The following MMP26 variants were observed in gnomAD, a reference collection of about 807,000 sequenced individuals.
MMP26 encodes the protein matrix metallopeptidase 26.
MMP26 carries 33 observed loss-of-function variants against 31.0 expected under a neutral mutation model. That is an observed-to-expected ratio of 1.06 (90% CI 0.81 to 1.42). MMP26 has a LOEUF of 1.42. Among genes scored for constraint, MMP26 ranks in the 40% most tolerant of loss-of-function variants. The pLI is 0.00. For synonymous variants in MMP26, 122 were observed against 114.9 expected, an observed-to-expected ratio of 1.06 and a Z score of -0.40; for missense variants, 347 against 316.1, an observed-to-expected ratio of 1.10 and a Z score of -0.74.
In MMP26 at chr11:4,992,338, G is replaced by A. The variant is rs2133655579; in HGVS notation, c.*96G>A. 2 of 1,237,984 alleles carry A rather than the reference G, an allele frequency of 1.6e-6. No homozygotes were observed. Among genetic ancestry groups the A allele is most frequent in the Non-Finnish European group, 2.3e-6 (2 of 880,366 alleles). The allele number at this position is 1,237,984 out of a possible 1,614,324, so 76.7% of individuals were successfully genotyped here. On this transcript the variant is annotated 3_prime_UTR_variant, in exon 8 of 8. Transcript: ENST00000380390. ...CTAGAGCAGCCTTGGGGACTGCTAG[G>A]ATGAAGCCCTAAAGAATGCAACCTA...
At chr11:4,734,836 AT>A (rs1564897502) in intron 1 of MMP26, among the ~76,000 whole-genome samples, 2 of 152,224 alleles carry the variant, frequency 1.3e-5, no homozygotes, top group Non-Finnish European at 1.5e-5. Context: ...ATAGCATCGC[AT>A]AGCATATTTT....
intron 2 of MMP26, among the ~76,000 whole-genome samples, chr11:4,869,661 A>G (rs1850284882): frequency 6.6e-6 from 1 of 152,162 alleles, no homozygotes; most frequent in Non-Finnish European, 1.5e-5. Flanking sequence ...ACAGTGTGGC[A>G]ATTCCTCATG....
At chr11:4,849,007 G>A (rs1226590315) in intron 2 of MMP26, 2 of 1,614,022 alleles carry the variant, frequency 1.2e-6, no homozygotes, top group Non-Finnish European at 1.7e-6. Context: ...AGGAAGAAGT[G>A]CATTGGGCGG....
At chr11:4,984,943 G>C (rs550756439) in intron 2 of MMP26, among the ~76,000 whole-genome samples, 33 of 152,132 alleles carry the variant, frequency 2.2e-4, no homozygotes, top group Non-Finnish European at 4.4e-4. Context: ...GAGAAAGTGT[G>C]AGAGACTTAG....
At chr11:4,712,330 G>C (rs996293251) in intron 1 of MMP26, 1 of 152,068 alleles carries the variant, frequency 6.6e-6, no homozygotes, top group Middle Eastern at 3.2e-3. Context: ...TACAAACTGT[G>C]TACAAAACAT....
At chr11:4,820,543 C>T (rs1849480862) in intron 2 of MMP26, among the ~76,000 whole-genome samples, 2 of 151,744 alleles carry the variant, frequency 1.3e-5, no homozygotes, top group East Asian at 1.9e-4. Flanking sequence ...CCTTCTTCCT[C>T]TTATTCCTCC....
intron 2 of MMP26, among the ~76,000 whole-genome samples, chr11:4,895,118 T>C (rs76444902): frequency 0.01 from 1,537 of 152,298 alleles, 21 homozygotes; most frequent in African/African-American, 0.036. Context: ...TACTCAAATA[T>C]TTTTAATTAA....
chr11:4,930,452 C>T (rs551090791), intron 2 of MMP26, among the ~76,000 whole-genome samples: 2 of 152,154 alleles, frequency 1.3e-5, no homozygotes, highest in Non-Finnish European at 1.5e-5. Flanking sequence ...ATGGGGGAAA[C>T]TCCTTTTTCG....
intron 2 of MMP26, among the ~76,000 whole-genome samples, chr11:4,869,145 A>T (rs568599097): frequency 6.6e-6 from 1 of 152,348 alleles, no homozygotes; most frequent in Non-Finnish European, 1.5e-5. Flanking sequence ...ACCATTCAGG[A>T]TATAGGCATG....
At chr11:4,907,115 A>AAAAAAAAAAAAAAC (rs1554890101) in intron 2 of MMP26, among the ~76,000 whole-genome samples, 2 of 144,816 alleles carry the variant, frequency 1.4e-5, no homozygotes, top group Non-Finnish European at 3.0e-5. Flanking sequence ...AAAAAAAAAA[A>AAAAAAAAAAAAAAC]TCCTAAAAAT....
At chr11:4,961,064 T>A (rs1846514196) in intron 2 of MMP26, among the ~76,000 whole-genome samples, 1 of 152,146 alleles carries the variant, frequency 6.6e-6, no homozygotes, top group Admixed American at 6.5e-5. Flanking sequence ...ATGAGATCAG[T>A]CAAATAGTGT....
intron 2 of MMP26, among the ~76,000 whole-genome samples, chr11:4,771,371 T>C (rs1246782608): frequency 1.3e-5 from 2 of 152,130 alleles, no homozygotes; most frequent in Admixed American, 6.5e-5. Context: ...ATAAGGAAAT[T>C]GTTACCTTTT....
chr11:4,858,292 G>C (rs1280676747), intron 2 of MMP26, among the ~76,000 whole-genome samples: 1 of 152,168 alleles, frequency 6.6e-6, no homozygotes, highest in Admixed American at 6.5e-5. Context: ...AATTGTCCCT[G>C]TTTGCAGATG....
chr11:4,818,582 ATATT>A (rs1177259665), intron 2 of MMP26, among the ~76,000 whole-genome samples: 1 of 151,848 alleles, frequency 6.6e-6, no homozygotes, highest in Non-Finnish European at 1.5e-5. Flanking sequence ...GCTTCTTTCG[ATATT>A]TATTTAATTA....
chr11:4,807,632 G>A (rs776397846), intron 2 of MMP26, among the ~76,000 whole-genome samples: 24 of 94,528 alleles, frequency 2.5e-4, no homozygotes, highest in Non-Finnish European at 5.1e-4. Flanking sequence ...GTGGGGGGTT[G>A]GGGGAGGGAT....
chr11:4,907,904 T>G, intron 2 of MMP26: 1 of 1,614,136 alleles, frequency 6.2e-7, no homozygotes, highest in South Asian at 1.1e-5. Flanking sequence ...TCACTCATAC[T>G]GTCTTCATCA....
intron 2 of MMP26, among the ~76,000 whole-genome samples, chr11:4,895,024 A>G (rs1278652647): frequency 6.6e-6 from 1 of 152,224 alleles, no homozygotes; most frequent in African/African-American, 2.4e-5. Context: ...AGTTGAAAAC[A>G]TAATAAACCT....
At chr11:4,908,792 A>G (rs548853256) in intron 2 of MMP26, 3 of 162,700 alleles carry the variant, frequency 1.8e-5, no homozygotes, top group East Asian at 1.7e-4. Context: ...GAGCACCTAA[A>G]AAAAGCTTTG....
At chr11:4,809,276 C>T (rs1490154499) in intron 2 of MMP26, among the ~76,000 whole-genome samples, 2 of 152,226 alleles carry the variant, frequency 1.3e-5, no homozygotes, top group East Asian at 3.9e-4. Context: ...GGACATAACA[C>T]GTTTAACGTC....
Sources: allele counts gnomAD v4.1 joint callset (sites outside exome capture counted in the v4.1 genomes callset), GRCh38; gene constraint gnomAD v4.1.1; transcripts MANE v1.5; gene names NCBI Gene and HGNC (gene_info 2026-07-23, HGNC 2026-07-21).